DOP1A: variants seen among roughly 807,000 people sequenced by gnomAD.
DOP1A encodes DOP1 leucine zipper like protein A, also known as protein DOP1A.
A neutral mutation model predicts 267.6 loss-of-function variants in DOP1A; 90 were observed. The observed-to-expected ratio is 0.34, with a 90% CI of 0.28 to 0.40. The LOEUF is 0.40. Ranked by LOEUF, DOP1A falls within the 10% of genes least tolerant of loss-of-function variation. DOP1A has a pLI of 1.00. For synonymous variants in DOP1A, 932 were observed against 999.1 expected, an observed-to-expected ratio of 0.93 and a Z score of 1.27; for missense variants, 2,437 against 2,900.4, an observed-to-expected ratio of 0.84 and a Z score of 3.67.
Position 83,129,356 on chromosome 6 carries a change from A to G in DOP1A, c.2189A>G (p.Lys730Arg). 1 of 1,607,800 alleles carries G rather than the reference A, an allele frequency of 6.2e-7. No homozygotes were observed. Among genetic ancestry groups the G allele is most frequent in the Non-Finnish European group, 8.5e-7 (1 of 1,178,272 alleles). ...GACAGAAATTCACAAGGAGATGTAA[A>G]AGAGAAAAACATAAGTAAACAAAAA... ...KWDRNSQGDVKEKNISKQKTS... is the reference protein window; with the variant it reads ...KWDRNSQGDVREKNISKQKTS... The change falls in exon 16 of 39, where the codon AAA becomes AGA. Residue 730 changes from lysine (K) to arginine (R), a missense_variant. Physicochemically the swap from Lys to Arg is conservative, Grantham distance 26. This residue lies in a region of DOP1A where 498 missense variants were observed against 513.5 expected (regional missense o/e 0.97). Coordinates refer to ENST00000349129, the MANE Select transcript of DOP1A (RefSeq NM_015018.4).
At chr6:83,143,654 AT>A (rs1211533929) in intron 24 of DOP1A, among the ~76,000 whole-genome samples, 1 of 152,152 alleles carries the variant, frequency 6.6e-6, no homozygotes, top group African/African-American at 2.4e-5. Context: ...ACAAAGCAAT[AT>A]TTTTAGGAGG....
chr6:83,157,453 C>A, intron 35 of DOP1A, 135 bp downstream of exon 35: 1 of 940,094 alleles, frequency 1.1e-6, no homozygotes, highest in Non-Finnish European at 1.6e-6. Flanking sequence ...ATGCTTTTTA[C>A]AGTTGAAAAT....
intron 7 of DOP1A, among the ~76,000 whole-genome samples, chr6:83,114,827 G>A (rs1404876836): frequency 5.3e-5 from 8 of 152,072 alleles, no homozygotes; most frequent in Non-Finnish European, 8.8e-5. Context: ...CAATAGCTTC[G>A]TTGAATGTGT....
At chr6:83,130,019 A>T in intron 16 of DOP1A, 104 bp from the exon 17 acceptor site, 1 of 1,390,120 alleles carries the variant, frequency 7.2e-7, no homozygotes, top group Non-Finnish European at 9.7e-7. Flanking sequence ...TTAACAGATC[A>T]AGGCCTTAAA....
At chr6:83,103,381 A>G (rs1230323382) in intron 4 of DOP1A, among the ~76,000 whole-genome samples, 2 of 152,196 alleles carry the variant, frequency 1.3e-5, no homozygotes, top group Admixed American at 1.3e-4. Context: ...CTTTGGGTAC[A>G]GTGTACACTG....
chr6:83,076,242 G>A (rs1380794591), intron 1 of DOP1A, among the ~76,000 whole-genome samples: 1 of 152,174 alleles, frequency 6.6e-6, no homozygotes, highest in African/African-American at 2.4e-5. Context: ...AAGATATTGA[G>A]GCCGGGTGTG....
At chr6:83,145,201 T>TA (rs1172889677) in intron 24 of DOP1A, among the ~76,000 whole-genome samples, 123 of 354 alleles carry the variant, frequency 0.35, 7 homozygotes, top group Admixed American at 0.43. Context: ...AATATATATA[T>TA]ATAATAATAT....
rs761268279 is a variant in DOP1A, at chr6:83,122,943, T to C, written c.1301T>C (p.Met434Thr). Residue 434 changes from methionine (M) to threonine (T), a missense_variant, in exon 12 of 39, where the codon ATG (methionine) becomes ACG (threonine). Coordinates refer to ENST00000349129, the MANE Select transcript of DOP1A (RefSeq NM_015018.4). ...LLFNSFEPYY[M>T]WDYVARWFEE... ...TTTAATTCCTTCGAACCTTATTATA[T>C]GTGGGATTATGTTGCACGCTGGTTT... 1.3e-6 allele frequency: 2 copies of C among 1,581,880 alleles called. No homozygotes were observed. The highest frequency in any genetic ancestry group is 8.6e-7 in the Non-Finnish European group (1 of 1,168,500).
chr6:83,140,089 A>G lies in DOP1A; in HGVS notation c.5210A>G (p.Asp1737Gly). Reference sequence around the variant, plus strand: ...GCCATTATCCATTACTGTTTGTTGGATCCAACTACACAGTATCACCAAGTA... The same window carrying G: ...GCCATTATCCATTACTGTTTGTTGGGTCCAACTACACAGTATCACCAAGTA... ...ITAIIHYCLL[D>G]PTTQYHQLLV... The change falls in exon 22 of 39, where the codon GAT (aspartate) becomes GGT (glycine). Residue 1737 changes from aspartate (D) to glycine (G), a missense_variant. Physicochemically the swap from Asp to Gly is moderately conservative, Grantham distance 94. Transcript: ENST00000349129. 1 of 1,613,252 alleles carries G rather than the reference A, an allele frequency of 6.2e-7. No homozygotes were observed. Among genetic ancestry groups the G allele is most frequent in the Non-Finnish European group, 8.5e-7 (1 of 1,179,404 alleles).
rs1183237676 is a variant in DOP1A, at chr6:83,134,212, A to G, written c.2795A>G (p.Lys932Arg). 1 of 1,612,914 alleles carries G rather than the reference A, an allele frequency of 6.2e-7. No individual in the cohort carries two copies. The highest frequency in any genetic ancestry group is 8.5e-7 in the Non-Finnish European group (1 of 1,179,366). Reference sequence around the variant, plus strand: ...AAAATAAGGATGGAAGCACATGCCAAGTTTGCAGTTCTTTGGCATCTAACG... The same window carrying G: ...AAAATAAGGATGGAAGCACATGCCAGGTTTGCAGTTCTTTGGCATCTAACG... The part of the protein sequence containing the change: ...DKKIRMEAHA[K>R]FAVLWHLTRD... The change falls in exon 19 of 39, where the codon AAG becomes AGG. Residue 932 changes from lysine (K) to arginine (R), a missense_variant. Transcript: ENST00000349129.
chr6:83,155,294 T>C (rs893536156), intron 33 of DOP1A, among the ~76,000 whole-genome samples: 2 of 143,060 alleles, frequency 1.4e-5, no homozygotes, highest in Admixed American at 7.1e-5. Context: ...AGACCCCAGC[T>C]CTACAAAAAA....
At position 83,158,590 on chromosome 6, in the gene DOP1A, G is replaced by A; in HGVS notation, c.6765G>A (p.Glu2255=). 6.2e-7 allele frequency: 1 copy of A among 1,608,282 alleles called. No individual in the cohort carries two copies. The highest frequency in any genetic ancestry group is 8.5e-7 in the Non-Finnish European group (1 of 1,176,730). Residue 2255 remains glutamate, a synonymous_variant, in exon 36 of 39, where the codon GAG becomes GAA. Coordinates refer to ENST00000349129, the MANE Select transcript of DOP1A (RefSeq NM_015018.4). ...TELVQVFLLM[E]QELTADEDIS... is the part of the protein sequence containing the mutation. ...AGGTACAAGTATTTTTACTGATGGA[G>A]CAGGAACTCACTGCTGATGAAGATA...
At chr6:83,096,228 C>G (rs773685725) in intron 1 of DOP1A, among the ~76,000 whole-genome samples, 2 of 151,808 alleles carry the variant, frequency 1.3e-5, no homozygotes, top group Non-Finnish European at 2.9e-5. Flanking sequence ...GCTGGGACTA[C>G]AGGTGCCACC....
At chr6:83,168,896 A>G (rs1562404752), downstream of DOP1A, 1 of 1,063,554 alleles carries the variant, frequency 9.4e-7, no homozygotes, top group African/African-American at 1.6e-5. Context: ...GATGGCAAAG[A>G]TATCACAAGG....
intron 37 of DOP1A, chr6:83,161,234 TGTTA>T (rs1281185283): frequency 2.0e-5 from 3 of 152,162 alleles, no homozygotes. Flanking sequence ...TTTGTCAAGA[TGTTA>T]GTTACTACAA....
intron 28 of DOP1A, 26 bp from the exon 29 acceptor site, chr6:83,151,857 A>G (rs1781752020): frequency 1.2e-6 from 2 of 1,610,270 alleles, no homozygotes; most frequent in East Asian, 2.2e-5. Flanking sequence ...TGTACCATAC[A>G]TAGTTGTTCT....
chr6:83,081,128 C>T (rs1768000073), intron 1 of DOP1A, among the ~76,000 whole-genome samples: 2 of 152,096 alleles, frequency 1.3e-5, no homozygotes, highest in African/African-American at 2.4e-5. Context: ...TTGGTTTGTT[C>T]GTTTGTTTTT....
chr6:83,098,466 GTCC>G (rs1562292588), intron 3 of DOP1A, among the ~76,000 whole-genome samples: 1 of 152,138 alleles, frequency 6.6e-6, no homozygotes, highest in South Asian at 2.1e-4. Context: ...TCATAAGACT[GTCC>G]TCCTGTTTTG....
intron 1 of DOP1A, among the ~76,000 whole-genome samples, chr6:83,087,676 A>G (rs1341399523): frequency 6.6e-6 from 1 of 152,234 alleles, no homozygotes; most frequent in East Asian, 1.9e-4. Context: ...AAATGTGAGT[A>G]ATAGTGCCTA....
Sources: allele counts gnomAD v4.1 joint callset (sites outside exome capture counted in the v4.1 genomes callset), GRCh38; gene constraint gnomAD v4.1.1; regional missense constraint gnomAD v4.1.1; transcripts MANE v1.5; gene names NCBI Gene and HGNC (gene_info 2026-07-23, HGNC 2026-07-21).